The following GRHL2 variants were observed in gnomAD, a reference collection of about 807,000 sequenced individuals.
GRHL2 encodes the protein grainyhead-like protein 2 homolog.
In GRHL2, 21 loss-of-function variants were observed where a neutral mutation model predicts 83.8. The ratio of observed to expected loss-of-function variants is 0.25; its 90% CI spans 0.18 to 0.36. The LOEUF (loss-of-function observed/expected upper bound fraction) is 0.36. Among genes scored for constraint, GRHL2 ranks in the 10% least tolerant of loss-of-function variants. The probability of loss-of-function intolerance (pLI) is 1.00; values close to 1 mark genes in which losing one functional copy is unlikely to be tolerated. For missense variants in GRHL2, 623 were observed against 781.8 expected (o/e 0.80, Z 2.42); for synonymous variants, 280 against 278.9 (o/e 1.00, Z -0.04).
intron 3 of GRHL2, among the ~76,000 whole-genome samples, chr8:101,553,221 C>T (rs976648306): frequency 6.0e-4 from 91 of 152,228 alleles, no homozygotes; most frequent in African/African-American, 2.1e-3. Flanking sequence ...TAGGTGGAGG[C>T]GACTGTAAGG....
intron 14 of GRHL2, among the ~76,000 whole-genome samples, chr8:101,649,978 C>T (rs1414849335): frequency 6.6e-6 from 1 of 152,188 alleles, no homozygotes; most frequent in East Asian, 1.9e-4. Context: ...TATTACCCAA[C>T]TTGGGCTCAC....
At chr8:101,617,553 G>A (rs1042163947) in intron 8 of GRHL2, among the ~76,000 whole-genome samples, 1 of 151,988 alleles carries the variant, frequency 6.6e-6, no homozygotes, top group African/African-American at 2.4e-5. Context: ...ACCCAGGTTG[G>A]GAGTGTAGTG....
intron 1 of GRHL2, among the ~76,000 whole-genome samples, chr8:101,499,731 A>T (rs1810184148): frequency 6.6e-6 from 1 of 152,226 alleles, no homozygotes; most frequent in African/African-American, 2.4e-5. Context: ...TCACTAGGGT[A>T]CTGATACTCT....
At position 101,644,198 on chromosome 8, in the gene GRHL2, C is replaced by A. The variant is rs1332011279; in HGVS notation, c.1585C>A (p.Gln529Lys). ...GGAGTTTGGTCCAGTGCCTTCAAAG[C>A]AGATGAAAGAAGAAGGGACAAAGCG... ...EEEFGPVPSK[Q>K]MKEEGTKRVL... The change falls in exon 13 of 16, where the codon CAG becomes AAG. Residue 529 changes from glutamine (Q) to lysine (K), a missense_variant. Physicochemically the swap from Gln to Lys is moderately conservative, Grantham distance 53. Transcript: ENST00000646743. The A allele has an allele frequency of 3.1e-6, 5 of 1,614,046 alleles. No homozygotes were observed. The highest frequency in any genetic ancestry group is 3.3e-4 in the Middle Eastern group (2 of 6,060).
At chr8:101,629,537 C>A (rs1413760542) in intron 9 of GRHL2, among the ~76,000 whole-genome samples, 2 of 152,152 alleles carry the variant, frequency 1.3e-5, no homozygotes, top group Non-Finnish European at 1.5e-5. Context: ...CAGATTAATT[C>A]TTGTCCCTTT....
In GRHL2 at chr8:101,513,786, G is replaced by A. The variant is rs117597338; in HGVS notation, c.20+20997G>A. On this transcript the variant is annotated intron_variant, in intron 1 of 15. Coordinates refer to ENST00000646743, the MANE Select transcript of GRHL2 (RefSeq NM_024915.4). ...TCTGGGATTACACACGTGAGCTATCGCGCCTGGCCATTGTGCATTTTGATA... is the reference window on the plus strand; with the variant it reads ...TCTGGGATTACACACGTGAGCTATCACGCCTGGCCATTGTGCATTTTGATA... 5.9e-5 allele frequency among the ~76,000 whole-genome samples: 9 copies of A among 152,096 alleles called. No homozygotes were observed. The East Asian group carries it at 1.5e-3, about 26-fold the overall frequency.
At chr8:101,544,286 A>T (rs1811215700) in intron 2 of GRHL2, among the ~76,000 whole-genome samples, 2 of 152,230 alleles carry the variant, frequency 1.3e-5, no homozygotes, top group Non-Finnish European at 2.9e-5. Context: ...TTCGTGGAAG[A>T]CTTTTGCAGG....
intron 9 of GRHL2, among the ~76,000 whole-genome samples, chr8:101,630,471 C>T (rs1478982508): frequency 8.5e-5 from 13 of 152,092 alleles, no homozygotes; most frequent in Non-Finnish European, 5.9e-5. Flanking sequence ...CAAGTATTTT[C>T]GCCAACTTGT....
At chr8:101,648,889 T>C (rs143634141) in intron 13 of GRHL2, among the ~76,000 whole-genome samples, 1 of 152,284 alleles carries the variant, frequency 6.6e-6, no homozygotes, top group African/African-American at 2.4e-5. Flanking sequence ...CAGGCCCCTA[T>C]AAGCACTGTT....
intron 2 of GRHL2, chr8:101,543,650 G>A: frequency 1.7e-6 from 1 of 583,182 alleles, no homozygotes; most frequent in Non-Finnish European, 3.1e-6. Flanking sequence ...CTCATTTTGG[G>A]ATAATATTTT....
chr8:101,586,893 C>A (rs1420637999), intron 7 of GRHL2, among the ~76,000 whole-genome samples: 1 of 152,008 alleles, frequency 6.6e-6, no homozygotes, highest in Non-Finnish European at 1.5e-5. Context: ...ACTAAATATG[C>A]CTTTAGTACT....
At chr8:101,542,248 T>C (rs984764197) in intron 1 of GRHL2, among the ~76,000 whole-genome samples, 2 of 152,164 alleles carry the variant, frequency 1.3e-5, no homozygotes, top group Non-Finnish European at 1.5e-5. Flanking sequence ...TGAAACCTGC[T>C]CTCTCTTAGG....
At chr8:101,669,956 C>T (rs1236422337), downstream of GRHL2, among the ~76,000 whole-genome samples, 1 of 152,196 alleles carries the variant, frequency 6.6e-6, no homozygotes, top group African/African-American at 2.4e-5. Context: ...CGGCAGGCTC[C>T]CCAGGGTGGT....
chr8:101,574,289 A>G (rs1181704523), intron 6 of GRHL2, among the ~76,000 whole-genome samples: 1 of 152,170 alleles, frequency 6.6e-6, no homozygotes, highest in Non-Finnish European at 1.5e-5. Context: ...AGGGTTCCAG[A>G]GATGAGGCAC....
chr8:101,550,020 G>A (rs879823265), intron 2 of GRHL2, among the ~76,000 whole-genome samples: 8 of 151,770 alleles, frequency 5.3e-5, no homozygotes, highest in African/African-American at 1.7e-4. Context: ...GAGCTGGGGA[G>A]GCAGGTCTCC....
chr8:101,507,689 A>G (rs1181595183), intron 1 of GRHL2, among the ~76,000 whole-genome samples: 2 of 151,896 alleles, frequency 1.3e-5, no homozygotes, highest in African/African-American at 2.4e-5. Flanking sequence ...AAAAATATCC[A>G]AATTAACCAT....
At chr8:101,626,700 G>A (rs1258857079) in intron 9 of GRHL2, among the ~76,000 whole-genome samples, 1 of 151,976 alleles carries the variant, frequency 6.6e-6, no homozygotes, top group Non-Finnish European at 1.5e-5. Context: ...TAGATGGAGG[G>A]AATTATTTTC....
At chr8:101,504,873 C>A (rs960489788) in intron 1 of GRHL2, among the ~76,000 whole-genome samples, 28 of 151,456 alleles carry the variant, frequency 1.8e-4, no homozygotes, top group African/African-American at 6.6e-4. Flanking sequence ...GCTTATCAAC[C>A]TATCCAAGAA....
At chr8:101,588,185 G>A (rs480490) in intron 7 of GRHL2, among the ~76,000 whole-genome samples, 143,961 of 152,218 alleles carry the variant, frequency 0.95, 68,460 homozygotes, top group Non-Finnish European at 1. Flanking sequence ...TCTCCATTTC[G>A]CAGATAAGGC....
Sources: allele counts gnomAD v4.1 joint callset (sites outside exome capture counted in the v4.1 genomes callset), GRCh38; gene constraint gnomAD v4.1.1; transcripts MANE v1.5; gene names NCBI Gene and HGNC (gene_info 2026-07-23, HGNC 2026-07-21).